The following CLNK variants were observed in gnomAD, a reference collection of about 807,000 sequenced individuals.
The protein encoded by CLNK is cytokine-dependent hematopoietic cell linker.
In CLNK, 74 loss-of-function variants were observed where a neutral mutation model predicts 68.6. That is an observed-to-expected ratio of 1.08 (90% CI 0.89 to 1.31). CLNK has a LOEUF of 1.31. CLNK is among the 50% of genes most tolerant of loss of function. CLNK has a pLI of 0.00. For missense variants in CLNK, 553 were observed against 515.3 expected, an observed-to-expected ratio of 1.07 and a Z score of -0.71; for synonymous variants, 198 against 172.2, an observed-to-expected ratio of 1.15 and a Z score of -1.17.
chr4:10,666,333 A>T (rs1478370204), intron 2 of CLNK, among the ~76,000 whole-genome samples: 1 of 152,130 alleles, frequency 6.6e-6, no homozygotes, highest in Non-Finnish European at 1.5e-5. Context: ...ACAAACCTCC[A>T]ATTTGTCTAT....
rs190534824 is a variant in CLNK, at chr4:10,597,510, G to A, written c.83+468C>T. Among the ~76,000 whole-genome samples, 83 of 152,338 alleles carry A rather than the reference G, an allele frequency of 5.4e-4. No homozygotes were observed. In the East Asian group the frequency reaches 0.013, roughly 23 times the overall value. ...GCTGCATTTTCAGTAGTCTATGCAA[G>A]TTTTGATACCATAACCACTCAGCAA... is the stretch of plus-strand genomic sequence containing the variant. On this transcript the variant is annotated intron_variant, in intron 3 of 18. Transcript: ENST00000226951.
intron 11 of CLNK, among the ~76,000 whole-genome samples, chr4:10,537,394 A>G (rs901966314): frequency 6.6e-6 from 1 of 152,142 alleles, no homozygotes; most frequent in Admixed American, 6.5e-5. Context: ...AGGAGAATCA[A>G]TTGAACCCGG....
At chr4:10,675,502 G>A (rs1724834359) in intron 1 of CLNK, among the ~76,000 whole-genome samples, 2 of 152,050 alleles carry the variant, frequency 1.3e-5, no homozygotes, top group Admixed American at 6.6e-5. Context: ...TTCTCCACTG[G>A]GAATTCACCA....
the CLNK span, among the ~76,000 whole-genome samples, chr4:10,732,388 T>C: frequency 6.6e-6 from 1 of 152,230 alleles, no homozygotes; most frequent in African/African-American, 2.4e-5. Flanking sequence ...AAGGCTGTTA[T>C]GGATTTTTGA....
intron 4 of CLNK, among the ~76,000 whole-genome samples, chr4:10,584,603 T>A (rs1046302701): frequency 6.6e-6 from 1 of 152,012 alleles, no homozygotes; most frequent in Non-Finnish European, 1.5e-5. Flanking sequence ...TACTAGTGAG[T>A]CACCATAAGA....
chr4:10,707,871 A>G, the CLNK span, among the ~76,000 whole-genome samples: 4 of 152,242 alleles, frequency 2.6e-5, no homozygotes, highest in African/African-American at 4.8e-5. Flanking sequence ...ATAGAGGTAA[A>G]GAGGCGATGA....
intron 7 of CLNK, among the ~76,000 whole-genome samples, chr4:10,560,463 C>T (rs544336950): frequency 5.9e-5 from 9 of 152,148 alleles, no homozygotes; most frequent in South Asian, 4.2e-4. Context: ...TCTGTCGCTC[C>T]GGCTGGAGTT....
At chr4:10,727,524 T>C in the CLNK span, among the ~76,000 whole-genome samples, 1 of 152,224 alleles carries the variant, frequency 6.6e-6, no homozygotes, top group African/African-American at 2.4e-5. Flanking sequence ...TATTTATGCA[T>C]ACCTTGCGAT....
At chr4:10,611,043 G>C (rs373364036) in intron 2 of CLNK, among the ~76,000 whole-genome samples, 1 of 152,164 alleles carries the variant, frequency 6.6e-6, no homozygotes, top group Non-Finnish European at 1.5e-5. Context: ...AATTAGGCTG[G>C]GCGCAGTGGC....
the CLNK span, among the ~76,000 whole-genome samples, chr4:10,730,683 A>G: frequency 2.6e-5 from 4 of 152,184 alleles, no homozygotes; most frequent in African/African-American, 9.7e-5. Context: ...AAAATCGTAC[A>G]TGCCTCATGT....
intron 12 of CLNK, among the ~76,000 whole-genome samples, chr4:10,529,996 C>CTTTTCCT (rs1007591962): frequency 7.3e-6 from 1 of 136,872 alleles, no homozygotes; most frequent in African/African-American, 3.3e-5. Context: ...TTCCTTTTTT[C>CTTTTCCT]TTTTCCTTTT....
intron 8 of CLNK, among the ~76,000 whole-genome samples, chr4:10,552,723 G>A (rs1719510834): frequency 6.6e-6 from 1 of 152,226 alleles, no homozygotes; most frequent in Non-Finnish European, 1.5e-5. Flanking sequence ...CTTTGAATGA[G>A]ACGATTTGTG....
chr4:10,525,865 T>G lies in CLNK; in HGVS notation c.707A>C (p.Gln236Pro), dbSNP rs1718297046. The G allele has an allele frequency of 6.3e-7, 1 of 1,583,532 alleles. No homozygotes were observed. The highest frequency in any genetic ancestry group is 1.3e-5 in the African/African-American group (1 of 74,496). The change falls in exon 14 of 19, where the codon CAA becomes CCA. Residue 236 changes from glutamine to proline, a missense_variant. Physicochemically the swap from Gln to Pro is moderately conservative, Grantham distance 76 (BLOSUM62 -1). Transcript: ENST00000226951. ...STHLLENQNT[Q>P]EIPLAISSSS... ...CCTGCTAATGGCAAGTGGAATCTCT[T>G]GAGTATTTTGGTTTTCTAACAGATG...
chr4:10,562,101 C>CTTT lies in CLNK; in HGVS notation c.399+2567_399+2569dup, dbSNP rs11345903. Among the ~76,000 whole-genome samples the CTTT allele has an allele frequency of 4.1e-3, 535 of 129,250 alleles. 12 individuals are homozygous for CTTT. The highest frequency in any genetic ancestry group is 0.012 in the East Asian group (51 of 4,408). 84.8% of individuals were successfully genotyped at this position (129,250 alleles called of 152,430 possible). On this transcript the variant is annotated intron_variant, in intron 7 of 18. Transcript: ENST00000226951. ...GATTCATTTCTTTTCTTTTTCTTTTCTTTTTTTTTTTTTTTTTGAGACAGG... is the reference window on the plus strand; with the variant it reads ...GATTCATTTCTTTTCTTTTTCTTTTCTTTTTTTTTTTTTTTTTTTTGAGACAGG...
chr4:10,602,187 C>T (rs1721610429), intron 2 of CLNK, among the ~76,000 whole-genome samples: 1 of 152,192 alleles, frequency 6.6e-6, no homozygotes, highest in African/African-American at 2.4e-5. Flanking sequence ...TTTTCCTTGC[C>T]TTGTCCCTAT....
intron 12 of CLNK, 120 bp downstream of exon 12, chr4:10,532,136 G>T: frequency 1.3e-6 from 1 of 772,048 alleles, no homozygotes; most frequent in South Asian, 1.5e-5. Context: ...AATGCATTTT[G>T]AGCATAGCTA....
intron 9 of CLNK, 88 bp downstream of exon 9, chr4:10,542,166 TA>T: frequency 8.4e-7 from 1 of 1,196,510 alleles, no homozygotes; most frequent in East Asian, 2.5e-5. Context: ...CATATTTTTC[TA>T]GAGATATCTG....
chr4:10,565,987 C>T (rs2108823620), intron 6 of CLNK, 22 bp downstream of exon 6: 1 of 1,609,926 alleles, frequency 6.2e-7, no homozygotes, highest in Non-Finnish European at 8.5e-7. Context: ...CTTCTTATTT[C>T]AGGCAGACCC....
chr4:10,605,920 G>C (rs917627723), intron 2 of CLNK, among the ~76,000 whole-genome samples: 1 of 151,966 alleles, frequency 6.6e-6, no homozygotes, highest in Non-Finnish European at 1.5e-5. Context: ...TGCAGGACAG[G>C]AATTTGCTCT....
Sources: allele counts gnomAD v4.1 joint callset (sites outside exome capture counted in the v4.1 genomes callset), GRCh38; gene constraint gnomAD v4.1.1; transcripts MANE v1.5; gene names NCBI Gene and HGNC (gene_info 2026-07-23, HGNC 2026-07-21).